PCNX2: variants seen among roughly 807,000 people sequenced by gnomAD.
PCNX2 encodes pecanex 2.
Under a neutral mutation model 223.8 loss-of-function variants are expected in PCNX2, and 168 were observed. That is an observed-to-expected ratio of 0.75 (90% confidence interval 0.66 to 0.85). PCNX2 has a LOEUF of 0.85. PCNX2 is among the 40% of genes least tolerant of loss of function. PCNX2 has a pLI of 0.00. For synonymous variants in PCNX2, 1,006 were observed against 1,052.6 expected, an observed-to-expected ratio of 0.96 and a Z score of 0.86; for missense variants, 2,507 against 2,675.5, an observed-to-expected ratio of 0.94 and a Z score of 1.39.
chr1:233,228,799 C>T (rs1657891037), intron 9 of PCNX2, among the ~76,000 whole-genome samples: 1 of 152,204 alleles, frequency 6.6e-6, no homozygotes, highest in Non-Finnish European at 1.5e-5. Flanking sequence ...CGAGCTCCTG[C>T]TTTCAATTCT....
intron 17 of PCNX2, among the ~76,000 whole-genome samples, chr1:233,174,697 A>C (rs1324133313): frequency 6.6e-6 from 1 of 152,196 alleles, no homozygotes; most frequent in Non-Finnish European, 1.5e-5. Flanking sequence ...AAACAAACAA[A>C]TCTAAACATA....
chr1:233,051,537 C>T (rs1279960331), intron 25 of PCNX2, among the ~76,000 whole-genome samples: 1 of 152,148 alleles, frequency 6.6e-6, no homozygotes, highest in African/African-American at 2.4e-5. Flanking sequence ...AAAATCATGT[C>T]CTTTGCAGCA....
intron 1 of PCNX2, chr1:233,288,862 T>G: frequency 8.0e-7 from 1 of 1,244,480 alleles, no homozygotes; most frequent in South Asian, 1.3e-5. Context: ...GTCATTTTTG[T>G]TTACAATTGA....
chr1:233,054,801 TAA>T (rs930508415), intron 24 of PCNX2: 151 of 169,574 alleles, frequency 8.9e-4, no homozygotes, highest in African/African-American at 3.5e-3. Context: ...ATATAACATA[TAA>T]GTTATTATAC....
the PCNX2 span, among the ~76,000 whole-genome samples, chr1:233,324,393 A>G: frequency 2.0e-5 from 3 of 152,208 alleles, no homozygotes; most frequent in Admixed American, 2.0e-4. Flanking sequence ...ACTAGAGAGA[A>G]GTCCAGACCC....
chr1:233,259,448 A>C (rs1659931020), intron 4 of PCNX2, 104 bp from the exon 5 acceptor site: 2 of 1,391,912 alleles, frequency 1.4e-6, no homozygotes, highest in Non-Finnish European at 1.9e-6. Context: ...ACCAGCAACT[A>C]ATGGAATTAG....
At chr1:233,069,835 G>T (rs137861195) in intron 23 of PCNX2, among the ~76,000 whole-genome samples, 4 of 151,858 alleles carry the variant, frequency 2.6e-5, no homozygotes. Flanking sequence ...TCTAGAAAAA[G>T]AAGAGCAAAG....
intron 8 of PCNX2, among the ~76,000 whole-genome samples, chr1:233,242,722 A>G (rs1658850091): frequency 6.6e-6 from 1 of 152,218 alleles, no homozygotes. Context: ...CTCTGCACTC[A>G]AAAACACATT....
chr1:233,225,384 C>T (rs534432401), intron 10 of PCNX2, among the ~76,000 whole-genome samples: 38 of 152,176 alleles, frequency 2.5e-4, no homozygotes, highest in South Asian at 1.9e-3. Flanking sequence ...AGGAAACGGA[C>T]GCACTGGAAG....
chr1:233,035,209 AAACGC>A (rs1368346958), intron 25 of PCNX2, among the ~76,000 whole-genome samples: 5 of 152,226 alleles, frequency 3.3e-5, no homozygotes, highest in African/African-American at 1.2e-4. Flanking sequence ...ATTAAAGTCG[AAACGC>A]ACAACACATT....
intron 12 of PCNX2, among the ~76,000 whole-genome samples, chr1:233,215,077 T>C (rs1682043837): frequency 6.6e-6 from 1 of 152,274 alleles, no homozygotes; most frequent in Non-Finnish European, 1.5e-5. Context: ...AGCAGTTTGG[T>C]TCCTTTCACA....
intron 23 of PCNX2, among the ~76,000 whole-genome samples, chr1:233,083,789 A>G (rs1673472290): frequency 2.0e-5 from 3 of 152,186 alleles, no homozygotes; most frequent in Non-Finnish European, 4.4e-5. Context: ...CTGAAGGGAA[A>G]AATAATATTT....
intron 25 of PCNX2, among the ~76,000 whole-genome samples, chr1:233,029,152 T>C (rs115284530): frequency 0.042 from 6,462 of 152,260 alleles, 460 homozygotes; most frequent in African/African-American, 0.14. Flanking sequence ...CATTATTTTT[T>C]AATTGAGCAA....
chr1:233,031,235 G>T (rs959892280), intron 25 of PCNX2, among the ~76,000 whole-genome samples: 1 of 152,186 alleles, frequency 6.6e-6, no homozygotes, highest in Non-Finnish European at 1.5e-5. Context: ...ATGGCCAAAA[G>T]AATGTCTTTG....
At chr1:233,286,522 C>G (rs778348237) in intron 1 of PCNX2, among the ~76,000 whole-genome samples, 12 of 152,062 alleles carry the variant, frequency 7.9e-5, no homozygotes, top group Non-Finnish European at 1.8e-4. Flanking sequence ...ACTATGTACG[C>G]GAGAATCTGT....
chr1:233,181,199 C>CT (rs555797913), intron 15 of PCNX2: 4,124 of 135,612 alleles, frequency 0.03, 81 homozygotes, highest in East Asian at 0.039. Flanking sequence ...AAGTTGCTGA[C>CT]TTTTTTTTTT....
rs1672044741 is a variant in PCNX2 at position 233,052,545 on chromosome 1, C to T, written c.4351+1723G>A. Among the ~76,000 whole-genome samples, 3 of 152,200 alleles carry T rather than the reference C, an allele frequency of 2.0e-5. No individual in the cohort carries two copies. The South Asian group carries it at 6.2e-4, about 31-fold the overall frequency. On this transcript the variant is annotated intron_variant, in intron 25 of 33. Coordinates refer to ENST00000258229, the MANE Select transcript of PCNX2 (RefSeq NM_014801.4). ...GCTGACCCAGACTCCAACCTGACAC[C>T]AGTGCCTCTCCTCTGGTCCTTAACC...
intron 13 of PCNX2, among the ~76,000 whole-genome samples, chr1:233,203,432 A>C (rs1396103690): frequency 1.3e-5 from 2 of 152,178 alleles, no homozygotes; most frequent in Non-Finnish European, 2.9e-5. Context: ...AAAATAAAGA[A>C]TATTTTTTCT....
the PCNX2 span, among the ~76,000 whole-genome samples, chr1:233,321,055 C>A: frequency 8.6e-6 from 1 of 116,208 alleles, no homozygotes; most frequent in Non-Finnish European, 1.6e-5. Context: ...GAGTCTCGCT[C>A]TGTCGCCAGG....
Sources: gnomAD v4.1 joint callset for allele counts (sites outside exome capture counted in the v4.1 genomes callset) on GRCh38, gnomAD v4.1.1 for gene constraint, MANE v1.5 for transcripts, NCBI Gene and HGNC (gene_info 2026-07-23, HGNC 2026-07-21) for gene names.